Variants in PRR16 observed in about 807,000 individuals in gnomAD.
PRR16 encodes the protein proline rich 16.
In PRR16, 6 loss-of-function variants were observed where a neutral mutation model predicts 18.2. The observed-to-expected ratio is 0.33, with a 90% confidence interval of 0.18 to 0.65. PRR16 has a LOEUF of 0.65. PRR16 is among the 30% of genes least tolerant of loss of function. The pLI, the probability that PRR16 is intolerant of heterozygous loss-of-function variation, is 0.74. For missense variants in PRR16, 412 were observed against 376.6 expected (o/e 1.09, Z -0.78); for synonymous variants, 151 against 147.8 (o/e 1.02, Z -0.16).
chr5:120,511,444 C>G (rs1483411118), intron 1 of PRR16, among the ~76,000 whole-genome samples: 2 of 152,096 alleles, frequency 1.3e-5, no homozygotes, highest in Non-Finnish European at 2.9e-5. Context: ...TTTTCTGTGT[C>G]TGGGAGCCAC....
chr5:120,778,443 A>G, the PRR16 span, among the ~76,000 whole-genome samples: 1 of 152,190 alleles, frequency 6.6e-6, no homozygotes, highest in Non-Finnish European at 1.5e-5. Context: ...GAAGAAAAAT[A>G]AAATTTAAGT....
At chr5:120,709,949 T>G in the PRR16 span, among the ~76,000 whole-genome samples, 1 of 152,218 alleles carries the variant, frequency 6.6e-6, no homozygotes, top group Non-Finnish European at 1.5e-5. Flanking sequence ...AGCATAGATA[T>G]GTCTTCAATA....
chr5:120,763,728 T>A, the PRR16 span, among the ~76,000 whole-genome samples: 1 of 152,112 alleles, frequency 6.6e-6, no homozygotes, highest in African/African-American at 2.4e-5. Context: ...TTCAATTTCT[T>A]TCATCAGTTT....
At chr5:120,503,569 A>G (rs1010864612) in intron 1 of PRR16, among the ~76,000 whole-genome samples, 2 of 152,328 alleles carry the variant, frequency 1.3e-5, no homozygotes, top group South Asian at 2.1e-4. Context: ...AACATTTGTT[A>G]TCACTCAAGT....
chr5:120,541,711 T>C (rs1751921868), intron 1 of PRR16, among the ~76,000 whole-genome samples: 1 of 152,190 alleles, frequency 6.6e-6, no homozygotes, highest in South Asian at 2.1e-4. Context: ...TTTTTTATAA[T>C]GAAAGTTAGT....
chr5:120,779,756 A>T, the PRR16 span, among the ~76,000 whole-genome samples: 4 of 152,210 alleles, frequency 2.6e-5, no homozygotes, highest in Admixed American at 2.6e-4. Context: ...AGGAAAAAGC[A>T]AGAGAATTAC....
At chr5:120,516,666 A>T (rs569268280) in intron 1 of PRR16, among the ~76,000 whole-genome samples, 1 of 152,168 alleles carries the variant, frequency 6.6e-6, no homozygotes, top group South Asian at 2.1e-4. Context: ...TGGTTATGTC[A>T]GGCTCTAATC....
chr5:120,643,593 T>C (rs1755493670), intron 1 of PRR16, among the ~76,000 whole-genome samples: 1 of 152,148 alleles, frequency 6.6e-6, no homozygotes. Context: ...TTACAGGATA[T>C]GTCCTAAAAG....
chr5:120,608,454 A>C (rs1355698780), intron 1 of PRR16, among the ~76,000 whole-genome samples: 2 of 152,228 alleles, frequency 1.3e-5, no homozygotes, highest in Admixed American at 1.3e-4. Flanking sequence ...AGAAGTGAAT[A>C]ATGCAAAACT....
At chr5:120,615,203 G>A (rs1433083541) in intron 1 of PRR16, among the ~76,000 whole-genome samples, 1 of 152,050 alleles carries the variant, frequency 6.6e-6, no homozygotes, top group Non-Finnish European at 1.5e-5. Context: ...CAGAAGTACA[G>A]AGAAATAGCC....
At chr5:120,690,646 T>C (rs533645696), downstream of PRR16, among the ~76,000 whole-genome samples, 1 of 152,302 alleles carries the variant, frequency 6.6e-6, no homozygotes, top group Non-Finnish European at 1.5e-5. Flanking sequence ...TGGGTCAATG[T>C]GTAACTGTGA....
Position 120,591,107 on chromosome 5 carries a change from G to A in PRR16, c.160-94847G>A, listed in dbSNP as rs192138249. Among the ~76,000 whole-genome samples the A allele has an allele frequency of 4.9e-4, 75 of 151,882 alleles. 1 individual carries two copies. In the East Asian group the frequency reaches 0.013, roughly 26 times the overall value. ...AGCCTGGCCAACATAGTGAAACACCGTCTCTACTAAAAATGCAAAATATTA... is the reference window on the plus strand; with the variant it reads ...AGCCTGGCCAACATAGTGAAACACCATCTCTACTAAAAATGCAAAATATTA... On this transcript the variant is annotated intron_variant, in intron 1 of 1. Transcript: ENST00000407149.
chr5:120,705,972 C>G, the PRR16 span, among the ~76,000 whole-genome samples: 1 of 152,124 alleles, frequency 6.6e-6, no homozygotes, highest in Admixed American at 6.5e-5. Flanking sequence ...CATATTTACT[C>G]AAAAATTCAC....
chr5:120,610,711 A>G (rs955230693), intron 1 of PRR16, among the ~76,000 whole-genome samples: 1 of 152,318 alleles, frequency 6.6e-6, no homozygotes, highest in East Asian at 1.9e-4. Flanking sequence ...GATATGTGGA[A>G]CTATAAGTCC....
chr5:120,650,144 GA>G (rs1755727458), intron 1 of PRR16, among the ~76,000 whole-genome samples: 1 of 151,344 alleles, frequency 6.6e-6, no homozygotes, highest in Non-Finnish European at 1.5e-5. Context: ...CTTGAACCCG[GA>G]AGTGGAGGTT....
At chr5:120,621,069 A>C (rs2218717) in intron 1 of PRR16, among the ~76,000 whole-genome samples, 67,786 of 151,746 alleles carry the variant, frequency 0.45, 15,931 homozygotes, top group East Asian at 0.84. Flanking sequence ...AGTTTTGTCA[A>C]ATGTTCCTCC....
intron 1 of PRR16, among the ~76,000 whole-genome samples, chr5:120,641,583 T>C (rs1284571901): frequency 6.6e-6 from 1 of 152,090 alleles, no homozygotes; most frequent in African/African-American, 2.4e-5. Flanking sequence ...CCACACAGGA[T>C]TCTTGCAAAA....
chr5:120,490,440 G>A (rs987661781), intron 1 of PRR16, among the ~76,000 whole-genome samples: 1 of 151,970 alleles, frequency 6.6e-6, no homozygotes, highest in Non-Finnish European at 1.5e-5. Flanking sequence ...CCAGTTGATC[G>A]AATCAGCTAC....
At chr5:120,659,404 C>CT (rs1756099344) in intron 1 of PRR16, among the ~76,000 whole-genome samples, 1 of 151,100 alleles carries the variant, frequency 6.6e-6, no homozygotes, top group South Asian at 2.1e-4. Flanking sequence ...AATATATTTT[C>CT]TCCTTCAGAA....
Sources: gnomAD v4.1 joint callset for allele counts (sites outside exome capture counted in the v4.1 genomes callset) on GRCh38, gnomAD v4.1.1 for gene constraint, MANE v1.5 for transcripts, NCBI Gene and HGNC (gene_info 2026-07-23, HGNC 2026-07-21) for gene names.